Variants in MCU observed in about 807,000 individuals in gnomAD.
MCU encodes the protein calcium uniporter protein, mitochondrial.
In MCU, 12 loss-of-function variants were observed where a neutral mutation model predicts 45.2. The ratio of observed to expected loss-of-function variants is 0.27; its 90% CI spans 0.17 to 0.43. MCU has a LOEUF of 0.43. Ranked by LOEUF, MCU falls within the 20% of genes least tolerant of loss-of-function variation. The pLI, the probability that MCU is intolerant of heterozygous loss-of-function variation, is 1.00. For missense variants in MCU, 324 were observed against 436.7 expected, an observed-to-expected ratio of 0.74 and a Z score of 2.30; for synonymous variants, 160 against 165.1, an observed-to-expected ratio of 0.97 and a Z score of 0.24.
intron 1 of MCU, among the ~76,000 whole-genome samples, chr10:72,799,384 GT>G (rs1447470988): frequency 2.0e-5 from 3 of 152,092 alleles, no homozygotes; most frequent in Non-Finnish European, 2.9e-5. Context: ...ACTATTTTTG[GT>G]GTTGAAAACT....
At chr10:72,823,701 G>T (rs1015619356) in intron 1 of MCU, among the ~76,000 whole-genome samples, 37 of 152,160 alleles carry the variant, frequency 2.4e-4, no homozygotes, top group African/African-American at 8.2e-4. Flanking sequence ...CTTAGCTAAA[G>T]GTAGAGAAAG....
At chr10:72,709,583 G>GTT (rs148389525) in intron 1 of MCU, among the ~76,000 whole-genome samples, 5 of 150,406 alleles carry the variant, frequency 3.3e-5, no homozygotes, top group African/African-American at 1.2e-4. Flanking sequence ...ATTTTCTGGT[G>GTT]TTTTTTTTTC....
In MCU at chr10:72,868,952, A is replaced by G. The variant is rs1251130040; in HGVS notation, c.657+89A>G. 64 of 1,336,844 alleles carry G rather than the reference A, an allele frequency of 4.8e-5. No homozygotes were observed. In the Admixed American group the frequency reaches 1.1e-3, roughly 24 times the overall value. The allele number at this position is 1,336,844 out of a possible 1,614,324, so 82.8% of individuals were successfully genotyped here. On this transcript the variant is annotated intron_variant, in intron 5 of 7. Transcript: ENST00000373053. ...TGTTTTTTCTTGTAAGTTTTATGCA[A>G]TTGAGTCATGTCAATCAAGTTAGTT...
At chr10:72,696,161 C>CAAAAAAA (rs58694098) in intron 1 of MCU, among the ~76,000 whole-genome samples, 83 of 30,612 alleles carry the variant, frequency 2.7e-3, no homozygotes, top group Non-Finnish European at 4.0e-3. Flanking sequence ...AACTCCGACT[C>CAAAAAAA]AAAAAAAAAA....
intron 1 of MCU, among the ~76,000 whole-genome samples, chr10:72,738,416 T>C (rs1227245725): frequency 1.3e-5 from 2 of 152,216 alleles, no homozygotes; most frequent in African/African-American, 2.4e-5. Context: ...TTTCCTCTGA[T>C]TTGTGCTATT....
At position 72,692,866 on chromosome 10, in the gene MCU, C is replaced by A. The variant is rs1183880469; in HGVS notation, c.150+565C>A. 4.2e-6 allele frequency: 6 copies of A among 1,436,722 alleles called. 1 individual carries two copies. The South Asian group carries it at 9.0e-5, about 21-fold the overall frequency. The allele number at this position is 1,436,722 out of a possible 1,614,324, so 89.0% of individuals were successfully genotyped here. On this transcript the variant is annotated intron_variant, in intron 1 of 7. Transcript: ENST00000373053. ...GCAGGAAGGAAAATCAAACTTTATT[C>A]CCCTCTGTGACTTCCTCTGTGTGTG...
intron 2 of MCU, among the ~76,000 whole-genome samples, chr10:72,839,762 G>A (rs113405055): frequency 6.7e-6 from 1 of 150,198 alleles, no homozygotes; most frequent in African/African-American, 2.5e-5. Flanking sequence ...GACTGTCCTG[G>A]CTAACACGGT....
chr10:72,766,075 G>A (rs898190879), intron 1 of MCU, among the ~76,000 whole-genome samples: 11 of 151,974 alleles, frequency 7.2e-5, no homozygotes, highest in Admixed American at 1.3e-4. Context: ...TCACTGTTTT[G>A]CGGGCTAGTC....
intron 1 of MCU, among the ~76,000 whole-genome samples, chr10:72,808,236 A>G (rs1232437349): frequency 1.3e-5 from 2 of 152,184 alleles, no homozygotes; most frequent in African/African-American, 4.8e-5. Flanking sequence ...TCTGATGCAG[A>G]TCTCATTACC....
rs1437189124 is a variant in MCU at position 72,804,057 on chromosome 10, TATATATATATATATATAA to T, written c.151-30300_151-30283del. Among the ~76,000 whole-genome samples, 25 of 73,676 alleles carry T rather than the reference TATATATATATATATATAA, an allele frequency of 3.4e-4. 1 individual carries two copies. The highest frequency in any genetic ancestry group is 1.7e-3 in the African/African-American group (23 of 13,812). The allele number at this position is 73,676 out of a possible 152,430, so 48.3% of individuals were successfully genotyped here. A position where few individuals can be genotyped will look rare whatever the true frequency, so the allele number is the denominator to read the frequency against. ...ATATATATATATATATATATATATA[TATATATATATATATATAA>T]AATAAGAGTGCCAACAATTTACATT... On this transcript the variant is annotated intron_variant, in intron 1 of 7. Transcript: ENST00000373053.
chr10:72,861,903 C>G, intron 4 of MCU: 2 of 269,178 alleles, frequency 7.4e-6, no homozygotes, highest in South Asian at 6.4e-5. Context: ...ACTAATATTT[C>G]TTTTCATCCT....
intron 3 of MCU, 99 bp from the exon 4 acceptor site, chr10:72,860,324 G>A: frequency 1.0e-6 from 1 of 966,686 alleles, no homozygotes; most frequent in Non-Finnish European, 1.6e-6. Flanking sequence ...ATTTTAAAAG[G>A]AAGAGGTAAT....
chr10:72,874,267 C>A (rs926164296), intron 6 of MCU, among the ~76,000 whole-genome samples: 1 of 151,948 alleles, frequency 6.6e-6, no homozygotes, highest in Non-Finnish European at 1.5e-5. Flanking sequence ...TTGTCAGTGC[C>A]GTTTTAAATA....
chr10:72,804,688 C>T lies in MCU; in HGVS notation c.151-29671C>T, dbSNP rs185501929. On this transcript the variant is annotated intron_variant, in intron 1 of 7. Transcript: ENST00000373053. ...AGTCACAGTCATTGTAGTATTAATG[C>T]ACACAGAAGAGTATCAGTTCTATTT... Among the ~76,000 whole-genome samples the T allele has an allele frequency of 4.6e-5, 7 of 152,312 alleles. No homozygotes were observed. In the East Asian group the frequency reaches 1.3e-3, roughly 29 times the overall value.
At chr10:72,729,040 G>C (rs1418224994) in intron 1 of MCU, among the ~76,000 whole-genome samples, 1 of 152,232 alleles carries the variant, frequency 6.6e-6, no homozygotes, top group African/African-American at 2.4e-5. Flanking sequence ...TCCAGGAACA[G>C]TGTATTATGG....
rs1329403666 is a variant in MCU, at chr10:72,799,640, CAG to C, written c.151-34717_151-34716del. Among the ~76,000 whole-genome samples, 3 of 151,752 alleles carry C rather than the reference CAG, an allele frequency of 2.0e-5. No homozygotes were observed. The East Asian group carries it at 5.8e-4, about 29-fold the overall frequency. ...CCCAACTCAGAACATTTTTTGTAAA[CAG>C]AATTTTTGGGGCTAAGAGTTCACAT... On this transcript the variant is annotated intron_variant, in intron 1 of 7. Transcript: ENST00000373053.
intron 1 of MCU, among the ~76,000 whole-genome samples, chr10:72,799,330 AT>A (rs1333824121): frequency 6.6e-6 from 1 of 152,238 alleles, no homozygotes; most frequent in Non-Finnish European, 1.5e-5. Flanking sequence ...GTGAACATTC[AT>A]TCATTTAATA....
At chr10:72,710,543 GTTTTTTT>G (rs555887994) in intron 1 of MCU, among the ~76,000 whole-genome samples, 12 of 84,290 alleles carry the variant, frequency 1.4e-4, no homozygotes, top group Admixed American at 8.9e-4. Flanking sequence ...ATCACCTAAG[GTTTTTTT>G]TTTTTTTTTT....
At chr10:72,765,304 C>T (rs546187051) in intron 1 of MCU, among the ~76,000 whole-genome samples, 7 of 152,104 alleles carry the variant, frequency 4.6e-5, no homozygotes, top group Non-Finnish European at 1.0e-4. Flanking sequence ...GTAAGAAGTA[C>T]TATAAAAGAG....
Sources: gnomAD v4.1 joint callset for allele counts (sites outside exome capture counted in the v4.1 genomes callset) on GRCh38, gnomAD v4.1.1 for gene constraint, MANE v1.5 for transcripts, NCBI Gene and HGNC (gene_info 2026-07-23, HGNC 2026-07-21) for gene names.